The following SEMA6D variants were observed in gnomAD, a reference collection of about 807,000 sequenced individuals.
The protein encoded by SEMA6D is semaphorin-6D.
In SEMA6D, 35 loss-of-function variants were observed where a neutral mutation model predicts 106.6. The observed-to-expected ratio is 0.33, with a 90% CI of 0.25 to 0.44. SEMA6D has a LOEUF of 0.44. Ranked by LOEUF, SEMA6D falls within the 20% of genes least tolerant of loss-of-function variation. The pLI is 1.00. For missense variants in SEMA6D, 1,185 were observed against 1,345.9 expected (o/e 0.88, Z 1.87); for synonymous variants, 499 against 487.7 (o/e 1.02, Z -0.31).
chr15:47,400,506 C>G (rs1335864644), intron 1 of SEMA6D, among the ~76,000 whole-genome samples: 2 of 113,800 alleles, frequency 1.8e-5, no homozygotes, highest in African/African-American at 6.2e-5. Context: ...AAAAAAAATC[C>G]TTCCTATACA....
rs376184169 is a variant in SEMA6D at position 47,437,503 on chromosome 15, C to T, written c.-159+25031C>T. ...AAATTTTCCTCAGAACACTTGCCTA[C>T]ATAATATTAATCCTTTTCCTTCATC... On this transcript the variant is annotated intron_variant, in intron 2 of 19. Coordinates refer to the SEMA6D transcript ENST00000558014. 5.6e-4 allele frequency among the ~76,000 whole-genome samples: 86 copies of T among 152,224 alleles called. No individual in the cohort carries two copies. The East Asian group carries it at 9.7e-3, about 17-fold the overall frequency.
chr15:47,356,713 A>G (rs1496923), intron 1 of SEMA6D, among the ~76,000 whole-genome samples: 96,406 of 151,944 alleles, frequency 0.63, 31,661 homozygotes, highest in Non-Finnish European at 0.72. Context: ...TATAAGTAAG[A>G]CATCAGTTTT....
At chr15:47,453,827 A>G (rs559740672) in intron 2 of SEMA6D, among the ~76,000 whole-genome samples, 2 of 152,010 alleles carry the variant, frequency 1.3e-5, no homozygotes, top group East Asian at 3.9e-4. Flanking sequence ...AAGTATTGCA[A>G]ATGAAGCTAC....
At chr15:47,676,931 G>C (rs187951772) in intron 4 of SEMA6D, among the ~76,000 whole-genome samples, 73 of 152,226 alleles carry the variant, frequency 4.8e-4, no homozygotes, top group Non-Finnish European at 9.1e-4. Context: ...TTTTTCATGT[G>C]GGGTGGGTGG....
At chr15:47,643,929 T>G (rs2077534802) in intron 4 of SEMA6D, among the ~76,000 whole-genome samples, 1 of 151,244 alleles carries the variant, frequency 6.6e-6, no homozygotes, top group Admixed American at 6.5e-5. Flanking sequence ...CCTTCTCAGG[T>G]CCTAGCAACC....
chr15:47,230,047 T>G (rs7183192), intron 1 of SEMA6D, among the ~76,000 whole-genome samples: 4,269 of 152,176 alleles, frequency 0.028, 209 homozygotes, highest in African/African-American at 0.098. Context: ...TGAAGTTTTA[T>G]TTTTATTTGC....
Position 47,219,283 on chromosome 15 carries a change from C to T in SEMA6D, c.-239+34865C>T, listed in dbSNP as rs557228451. Among the ~76,000 whole-genome samples, 10 of 152,246 alleles carry T rather than the reference C, an allele frequency of 6.6e-5. No homozygotes were observed. The South Asian group carries it at 1.9e-3, about 28-fold the overall frequency. On this transcript the variant is annotated intron_variant, in intron 1 of 19. Coordinates refer to the SEMA6D transcript ENST00000558014. ...TGCTCACCACTCTTCTCCATAACTG[C>T]GAGAGATGGACCATGGATCCTGAGA... is the stretch of plus-strand genomic sequence containing the variant.
At chr15:47,211,015 T>G (rs2029951437) in intron 1 of SEMA6D, among the ~76,000 whole-genome samples, 1 of 152,110 alleles carries the variant, frequency 6.6e-6, no homozygotes, top group Non-Finnish European at 1.5e-5. Flanking sequence ...TAATTAGAAA[T>G]TTTAAATTGT....
chr15:47,521,046 A>G (rs1261100480), intron 3 of SEMA6D, among the ~76,000 whole-genome samples: 1 of 152,224 alleles, frequency 6.6e-6, no homozygotes, highest in Non-Finnish European at 1.5e-5. Context: ...GAACCAAAGT[A>G]GAACTGCCTC....
intron 3 of SEMA6D, among the ~76,000 whole-genome samples, chr15:47,471,479 C>T (rs1423593854): frequency 6.6e-6 from 1 of 152,148 alleles, no homozygotes; most frequent in African/African-American, 2.4e-5. Flanking sequence ...CATTCAACTC[C>T]TTCAGTAATT....
chr15:47,300,928 G>C lies in SEMA6D; in HGVS notation c.-238-111465G>C, dbSNP rs143415329. 6.1e-3 allele frequency among the ~76,000 whole-genome samples: 930 copies of C among 152,290 alleles called. 15 individuals are homozygous for C. The highest frequency in any genetic ancestry group is 0.021 in the African/African-American group (883 of 41,552). Reference sequence around the variant, plus strand: ...CCTAAACCACCTGCAGAGGACTACTGCATCTTATTGCCTGCAAGAAAATAA... The same window carrying C: ...CCTAAACCACCTGCAGAGGACTACTCCATCTTATTGCCTGCAAGAAAATAA... On this transcript the variant is annotated intron_variant, in intron 1 of 19. Coordinates refer to the SEMA6D transcript ENST00000558014.
At chr15:47,244,198 TA>T (rs945182406) in intron 1 of SEMA6D, among the ~76,000 whole-genome samples, 10 of 152,196 alleles carry the variant, frequency 6.6e-5, no homozygotes, top group Admixed American at 3.9e-4. Context: ...GTGCTCAGAA[TA>T]AAAAGGTCAC....
chr15:47,284,130 A>G (rs1018659081), intron 1 of SEMA6D, among the ~76,000 whole-genome samples: 1 of 152,200 alleles, frequency 6.6e-6, no homozygotes, highest in Admixed American at 6.6e-5. Context: ...AGGTTCAGAC[A>G]GGAATCCTTT....
chr15:47,432,908 G>A (rs570858809), intron 2 of SEMA6D, among the ~76,000 whole-genome samples: 1 of 152,226 alleles, frequency 6.6e-6, no homozygotes, highest in East Asian at 1.9e-4. Context: ...AAACTACACT[G>A]TCAGTAATTC....
At chr15:47,283,197 C>T (rs894901803) in intron 1 of SEMA6D, among the ~76,000 whole-genome samples, 2 of 152,106 alleles carry the variant, frequency 1.3e-5, no homozygotes, top group Non-Finnish European at 2.9e-5. Flanking sequence ...GCCCTCTAAA[C>T]CCCAAAGTGG....
intron 1 of SEMA6D, among the ~76,000 whole-genome samples, chr15:47,349,041 G>A (rs912755253): frequency 1.3e-5 from 2 of 152,066 alleles, no homozygotes; most frequent in Middle Eastern, 3.2e-3. Flanking sequence ...AGGGACCAGG[G>A]CATCCATGGG....
intron 1 of SEMA6D, among the ~76,000 whole-genome samples, chr15:47,363,478 C>T (rs576644016): frequency 1.3e-5 from 2 of 152,210 alleles, no homozygotes; most frequent in South Asian, 4.1e-4. Context: ...AGAGTTAAAC[C>T]GGGCATGGGA....
Position 47,363,231 on chromosome 15 carries a change from G to T in SEMA6D, c.-238-49162G>T, listed in dbSNP as rs376128433. ...AGGGTCACAGAGTTAGTCAGTGGTG[G>T]ATTCTGAAATTCAAAACCAAGTTAT... On this transcript the variant is annotated intron_variant, in intron 1 of 19. Coordinates refer to the SEMA6D transcript ENST00000558014. Among the ~76,000 whole-genome samples, 66 of 152,248 alleles carry T rather than the reference G, an allele frequency of 4.3e-4. No homozygotes were observed. The East Asian group carries it at 9.1e-3, about 21-fold the overall frequency.
At chr15:47,283,136 G>A (rs144645976) in intron 1 of SEMA6D, among the ~76,000 whole-genome samples, 177 of 152,184 alleles carry the variant, frequency 1.2e-3, no homozygotes, top group African/African-American at 4.1e-3. Flanking sequence ...GAGACACAGT[G>A]GTGTCCCATA....
Sources: allele counts gnomAD v4.1 joint callset (sites outside exome capture counted in the v4.1 genomes callset), GRCh38; gene constraint gnomAD v4.1.1; transcripts MANE v1.5; gene names NCBI Gene and HGNC (gene_info 2026-07-23, HGNC 2026-07-21).